SASH1: variants seen among roughly 807,000 people sequenced by gnomAD.
SASH1 encodes the protein SAM and SH3 domain containing 1.
SASH1 carries 44 observed loss-of-function variants against 125.2 expected under a neutral mutation model. The ratio of observed to expected loss-of-function variants is 0.35; its 90% CI spans 0.28 to 0.45. The LOEUF (loss-of-function observed/expected upper bound fraction) is 0.45, where lower values mean the gene tolerates loss of function less well. Among genes scored for constraint, SASH1 ranks in the 20% least tolerant of loss-of-function variants. SASH1 has a pLI of 1.00. For synonymous variants in SASH1, 639 were observed against 649.1 expected, an observed-to-expected ratio of 0.98 and a Z score of 0.24; for missense variants, 1,426 against 1,614.5, an observed-to-expected ratio of 0.88 and a Z score of 2.00.
Position 148,326,337 on chromosome 6 carries a change from T to TATATATATATATATATATATATATGC in SASH1, n.74+53980_74+53981insATATGCATATATATATATATATATAT, listed in dbSNP as rs1562326113. 1.9e-4 allele frequency among the ~76,000 whole-genome samples: 15 copies of TATATATATATATATATATATATATGC among 77,318 alleles called. 1 individual carries two copies. Among genetic ancestry groups the TATATATATATATATATATATATATGC allele is most frequent in the Admixed American group, 1.6e-4 (1 of 6,100 alleles). 50.7% of individuals were successfully genotyped at this position (77,318 alleles called of 152,430 possible). A position where few individuals can be genotyped will look rare whatever the true frequency, so the allele number is the denominator to read the frequency against. On this transcript the variant is annotated intron_variant and non_coding_transcript_variant, in intron 1 of 3. Transcript: ENST00000367469. ...GCCACCGCATGCATATATATATATA[T>TATATATATATATATATATATATATGC]ATATATATATATATATATATGCATA...
chr6:148,393,679 G>A, intron 2 of SASH1: 1 of 984,542 alleles, frequency 1.0e-6, no homozygotes, highest in South Asian at 4.7e-5. Context: ...GGCTAATTTG[G>A]CGTGCTCTGT....
chr6:148,402,754 G>A (rs570192198), intron 2 of SASH1, among the ~76,000 whole-genome samples: 221 of 151,782 alleles, frequency 1.5e-3, no homozygotes, highest in African/African-American at 5.0e-3. Context: ...GACTACAGGC[G>A]CCCGCCACCA....
At chr6:148,290,999 G>GTT (rs11339749) in intron 1 of SASH1, among the ~76,000 whole-genome samples, 3 of 144,136 alleles carry the variant, frequency 2.1e-5, no homozygotes, top group South Asian at 4.3e-4. Flanking sequence ...ACTTTATCTT[G>GTT]TTTTTTTTTT....
At chr6:148,226,658 G>A in the SASH1 span, among the ~76,000 whole-genome samples, 252 of 152,218 alleles carry the variant, frequency 1.7e-3, 1 homozygote, top group African/African-American at 5.3e-3. Context: ...CTGTGCCTTC[G>A]AGGACACGTA....
At chr6:148,280,065 CCA>C (rs1779296096) in intron 1 of SASH1, among the ~76,000 whole-genome samples, 1 of 73,346 alleles carries the variant, frequency 1.4e-5, no homozygotes, top group Non-Finnish European at 2.8e-5. Context: ...TCATTCCCCC[CCA>C]TCATTCCCCC....
At chr6:148,240,855 T>G in the SASH1 span, among the ~76,000 whole-genome samples, 3 of 152,286 alleles carry the variant, frequency 2.0e-5, no homozygotes, top group East Asian at 5.8e-4. Flanking sequence ...GCCAATGATT[T>G]TGTGCTCCCC....
chr6:148,477,176 C>T (rs1778400381), intron 7 of SASH1, among the ~76,000 whole-genome samples: 1 of 152,106 alleles, frequency 6.6e-6, no homozygotes, highest in South Asian at 2.1e-4. Flanking sequence ...TGAGTGATAT[C>T]CTAAAAGTAC....
chr6:148,543,650 G>A, intron 17 of SASH1, 30 bp from the exon 18 acceptor site: 1 of 1,506,268 alleles, frequency 6.6e-7, no homozygotes, highest in Non-Finnish European at 8.9e-7. Context: ...CTTTTAAAAT[G>A]TGATTGTAAA....
At chr6:148,219,822 C>A in the SASH1 span, among the ~76,000 whole-genome samples, 3 of 152,164 alleles carry the variant, frequency 2.0e-5, no homozygotes, top group South Asian at 6.2e-4. Context: ...GGTGTTTCCC[C>A]ACGTGCATAG....
chr6:148,246,131 CCT>C, the SASH1 span, among the ~76,000 whole-genome samples: 1 of 152,196 alleles, frequency 6.6e-6, no homozygotes, highest in South Asian at 2.1e-4. Context: ...TCTCTCTCTC[CCT>C]GTCTCTCTCT....
At chr6:148,482,422 A>C (rs964052295) in intron 7 of SASH1, among the ~76,000 whole-genome samples, 3 of 152,252 alleles carry the variant, frequency 2.0e-5, no homozygotes, top group Non-Finnish European at 4.4e-5. Flanking sequence ...GAGTCCAACA[A>C]GACCATATCT....
intron 2 of SASH1, among the ~76,000 whole-genome samples, chr6:148,402,646 G>A (rs961625627): frequency 7.1e-5 from 10 of 140,974 alleles, no homozygotes; most frequent in African/African-American, 2.4e-4. Context: ...ACAGAGTCTC[G>A]CTCGGTCGCC....
intron 10 of SASH1, among the ~76,000 whole-genome samples, chr6:148,523,763 T>C (rs1252414713): frequency 1.3e-5 from 2 of 152,162 alleles, no homozygotes; most frequent in Non-Finnish European, 2.9e-5. Flanking sequence ...CAGCCCTGTA[T>C]TTGCATATTT....
chr6:148,231,242 A>T, the SASH1 span, among the ~76,000 whole-genome samples: 1 of 152,148 alleles, frequency 6.6e-6, no homozygotes, highest in African/African-American at 2.4e-5. Context: ...TCTATTCTTT[A>T]CTCACTTAAT....
At chr6:148,267,977 A>G (rs576670145), upstream of SASH1, among the ~76,000 whole-genome samples, 1 of 152,356 alleles carries the variant, frequency 6.6e-6, no homozygotes, top group Non-Finnish European at 1.5e-5. Flanking sequence ...GTGAAACTTT[A>G]TGAATCCCAC....
chr6:148,545,102 T>C (rs942789886), intron 18 of SASH1, among the ~76,000 whole-genome samples: 8 of 152,192 alleles, frequency 5.3e-5, no homozygotes, highest in African/African-American at 1.9e-4. Context: ...AAAAGAACCC[T>C]ATTCAGATGT....
upstream of SASH1, among the ~76,000 whole-genome samples, chr6:148,271,537 T>C (rs1413492665): frequency 1.3e-5 from 2 of 152,244 alleles, no homozygotes; most frequent in Non-Finnish European, 2.9e-5. Context: ...AACTTTTGTT[T>C]TATTTTATTA....
chr6:148,210,143 A>T, the SASH1 span, among the ~76,000 whole-genome samples: 183 of 152,368 alleles, frequency 1.2e-3, no homozygotes, highest in African/African-American at 4.3e-3. Flanking sequence ...ACAGTGGCCA[A>T]GCCAACTGTG....
chr6:148,440,294 T>C, intron 3 of SASH1, 60 bp downstream of exon 3: 2 of 1,607,342 alleles, frequency 1.2e-6, no homozygotes, highest in Admixed American at 3.3e-5. Flanking sequence ...TAAGTGACAC[T>C]CTGTACAAAT....
Sources: allele counts gnomAD v4.1 joint callset (sites outside exome capture counted in the v4.1 genomes callset), GRCh38; gene constraint gnomAD v4.1.1; transcripts MANE v1.5; gene names NCBI Gene and HGNC (gene_info 2026-07-23, HGNC 2026-07-21).